SGCZ: variants seen among roughly 807,000 people sequenced by gnomAD.
SGCZ encodes the protein sarcoglycan zeta, also known as zeta-sarcoglycan.
SGCZ carries 40 observed loss-of-function variants against 41.3 expected under a neutral mutation model. The ratio of observed to expected loss-of-function variants is 0.97; its 90% CI spans 0.75 to 1.26. SGCZ has a LOEUF of 1.26. SGCZ is among the 50% of genes most tolerant of loss of function. The pLI, the probability that SGCZ is intolerant of heterozygous loss-of-function variation, is 0.00. For synonymous variants in SGCZ, 206 were observed against 137.5 expected (o/e 1.50, Z -3.49); for missense variants, 552 against 369.8 (o/e 1.49, Z -4.04).
chr8:15,181,280 T>C (rs555401796), intron 1 of SGCZ, among the ~76,000 whole-genome samples: 4 of 150,480 alleles, frequency 2.7e-5, no homozygotes, highest in Non-Finnish European at 5.9e-5. Context: ...TTTTACTTTC[T>C]GCACCTCGCT....
chr8:15,215,758 C>T (rs1801379458), intron 1 of SGCZ, among the ~76,000 whole-genome samples: 2 of 152,144 alleles, frequency 1.3e-5, no homozygotes, highest in South Asian at 2.1e-4. Context: ...AGTAATAAAC[C>T]TCTAAGAGTT....
intron 2 of SGCZ, among the ~76,000 whole-genome samples, chr8:14,409,205 C>T (rs1435957386): frequency 1.3e-5 from 2 of 152,060 alleles, no homozygotes; most frequent in South Asian, 2.1e-4. Flanking sequence ...TAAGCATTTA[C>T]TTATACTAGA....
At chr8:15,024,334 A>G (rs2130947765) in intron 1 of SGCZ, among the ~76,000 whole-genome samples, 1 of 152,328 alleles carries the variant, frequency 6.6e-6, no homozygotes, top group South Asian at 2.1e-4. Context: ...CAATTTGTTT[A>G]TAGAAGCATA....
At chr8:14,645,247 T>C (rs930061185) in intron 1 of SGCZ, among the ~76,000 whole-genome samples, 1 of 148,136 alleles carries the variant, frequency 6.8e-6, no homozygotes, top group African/African-American at 2.5e-5. Flanking sequence ...AATGACAACT[T>C]CTTCAATTTT....
intron 2 of SGCZ, among the ~76,000 whole-genome samples, chr8:14,446,812 G>A (rs772202924): frequency 7.2e-5 from 11 of 152,028 alleles, no homozygotes; most frequent in Non-Finnish European, 1.3e-4. Flanking sequence ...AAACTAATAC[G>A]TATATGGACC....
chr8:14,307,449 A>G (rs1311570085), intron 3 of SGCZ, among the ~76,000 whole-genome samples: 1 of 152,160 alleles, frequency 6.6e-6, no homozygotes, highest in Non-Finnish European at 1.5e-5. Flanking sequence ...CTGGCAAATA[A>G]CTACAGTACA....
chr8:14,289,794 C>T (rs142886983), intron 3 of SGCZ, among the ~76,000 whole-genome samples: 24 of 150,650 alleles, frequency 1.6e-4, no homozygotes, highest in African/African-American at 5.8e-4. Flanking sequence ...TTCCACCCTG[C>T]TATAATGAAC....
chr8:14,395,559 G>C (rs1798892200), intron 2 of SGCZ, among the ~76,000 whole-genome samples: 3 of 152,232 alleles, frequency 2.0e-5, no homozygotes, highest in African/African-American at 7.2e-5. Context: ...CTCTAAACAA[G>C]AAAGAAAGAT....
intron 2 of SGCZ, among the ~76,000 whole-genome samples, chr8:14,411,493 A>G (rs954298647): frequency 1.1e-4 from 17 of 152,226 alleles, no homozygotes; most frequent in African/African-American, 4.1e-4. Flanking sequence ...TACCGAGGGA[A>G]GATTGAGAAT....
rs143410575 is a variant in SGCZ at position 14,373,174 on chromosome 8, G to A, written c.235-48970C>T. Among the ~76,000 whole-genome samples the A allele has an allele frequency of 3.2e-4, 48 of 152,260 alleles. No individual in the cohort carries two copies. The East Asian group carries it at 9.1e-3, about 29-fold the overall frequency. ...AGAGGTTAGTACTTGCTGATTGAGT[G>A]CATGAGGTTAAGCAAGAAAGAGTGG... On this transcript the variant is annotated intron_variant, in intron 2 of 7. Coordinates refer to ENST00000382080, the MANE Select transcript of SGCZ (RefSeq NM_139167.4).
intron 2 of SGCZ, among the ~76,000 whole-genome samples, chr8:14,340,062 G>A (rs901815676): frequency 1.3e-5 from 2 of 152,138 alleles, no homozygotes; most frequent in African/African-American, 2.4e-5. Flanking sequence ...TACACGTGAA[G>A]TTAAAAATAA....
chr8:14,242,121 C>T (rs1371437923), intron 3 of SGCZ, among the ~76,000 whole-genome samples: 2 of 151,990 alleles, frequency 1.3e-5, no homozygotes, highest in Non-Finnish European at 2.9e-5. Context: ...AGAATATTAA[C>T]AGGAACAGGC....
chr8:15,201,160 G>A (rs1164980601), intron 1 of SGCZ, among the ~76,000 whole-genome samples: 1 of 152,094 alleles, frequency 6.6e-6, no homozygotes, highest in Non-Finnish European at 1.5e-5. Context: ...GGGACTACAG[G>A]CCTGTGCCAT....
intron 1 of SGCZ, among the ~76,000 whole-genome samples, chr8:14,710,849 T>A (rs1403277083): frequency 1.3e-5 from 2 of 152,124 alleles, no homozygotes; most frequent in African/African-American, 4.8e-5. Context: ...CATGCGGAAT[T>A]TTCATTAATT....
chr8:14,090,550 G>C lies in SGCZ; in HGVS notation c.832C>G (p.Gln278Glu). ...CAGACGCAGAGTTCATACACTGTCT[G>C]TCGAGAACTTGAGGAGCTGGGTGAA... ...SSSPSSSSSR[Q>E]TVYELCVCPN... Residue 278 changes from glutamine (Q) to glutamate (E), a missense_variant, in exon 8 of 8, where the codon CAG becomes GAG. Physicochemically the swap from Gln to Glu is conservative, Grantham distance 29. Transcript: ENST00000382080. The C allele has an allele frequency of 1.9e-6, 3 of 1,613,140 alleles. No homozygotes were observed. The highest frequency in any genetic ancestry group is 2.5e-6 in the Non-Finnish European group (3 of 1,179,470).
chr8:15,003,565 T>C lies in SGCZ; in HGVS notation c.39+234020A>G, dbSNP rs935875087. 7.2e-5 allele frequency among the ~76,000 whole-genome samples: 11 copies of C among 152,300 alleles called. No homozygotes were observed. The East Asian group carries it at 1.5e-3, about 21-fold the overall frequency. ...TACAATTAAAAAGTAGAAAATGGAA[T>C]GTGTTGACTTAAATAAATAGACCAA... is the stretch of plus-strand genomic sequence containing the variant. On this transcript the variant is annotated intron_variant, in intron 1 of 7. Transcript: ENST00000382080.
intron 1 of SGCZ, among the ~76,000 whole-genome samples, chr8:14,962,785 T>G (rs543057312): frequency 6.6e-6 from 1 of 152,314 alleles, no homozygotes; most frequent in Admixed American, 6.5e-5. Context: ...CTTGGGCAAG[T>G]GTCCCGCATT....
intron 1 of SGCZ, among the ~76,000 whole-genome samples, chr8:14,902,286 C>T (rs773236381): frequency 7.2e-5 from 11 of 151,958 alleles, no homozygotes; most frequent in African/African-American, 1.5e-4. Flanking sequence ...TCTTGTCTTC[C>T]GTTCTTAATC....
At chr8:14,306,985 A>C (rs1302230945) in intron 3 of SGCZ, among the ~76,000 whole-genome samples, 1 of 152,202 alleles carries the variant, frequency 6.6e-6, no homozygotes, top group Admixed American at 6.6e-5. Flanking sequence ...AATAGCAGTC[A>C]CTAATTATAC....
Sources: gnomAD v4.1 joint callset for allele counts (sites outside exome capture counted in the v4.1 genomes callset) on GRCh38, gnomAD v4.1.1 for gene constraint, MANE v1.5 for transcripts, NCBI Gene and HGNC (gene_info 2026-07-23, HGNC 2026-07-21) for gene names.